The following YEATS2 variants were observed in gnomAD, a reference collection of about 807,000 sequenced individuals.
YEATS2 encodes YEATS domain-containing protein 2.
A neutral mutation model predicts 163.2 loss-of-function variants in YEATS2; 77 were observed. That is an observed-to-expected ratio of 0.47 (90% confidence interval 0.39 to 0.57). The LOEUF is 0.57. Among genes scored for constraint, YEATS2 ranks in the 20% least tolerant of loss-of-function variants. The probability of loss-of-function intolerance (pLI) is 0.00; values close to 1 mark genes in which losing one functional copy is unlikely to be tolerated. For synonymous variants in YEATS2, 631 were observed against 645.1 expected (o/e 0.98, Z 0.33); for missense variants, 1,549 against 1,729.8 (o/e 0.90, Z 1.85).
At chr3:183,716,149 C>T (rs563033466) in intron 2 of YEATS2, among the ~76,000 whole-genome samples, 6 of 152,098 alleles carry the variant, frequency 3.9e-5, no homozygotes, top group Admixed American at 6.6e-5. Flanking sequence ...TTAGTAGAGA[C>T]GGGGTTTCAC....
intron 9 of YEATS2, among the ~76,000 whole-genome samples, chr3:183,750,363 C>T (rs899925963): frequency 1.3e-5 from 2 of 152,190 alleles, no homozygotes; most frequent in African/African-American, 2.4e-5. Context: ...CAGCTTTTGG[C>T]TGTTGTTAAT....
intron 30 of YEATS2, 21 bp from the exon 31 acceptor site, chr3:183,810,454 A>T: frequency 6.3e-7 from 1 of 1,596,734 alleles, no homozygotes; most frequent in Non-Finnish European, 8.6e-7. Context: ...ACCTGGTAAC[A>T]CCCTTTGTTT....
At chr3:183,744,397 G>A (rs1413474329) in intron 8 of YEATS2, among the ~76,000 whole-genome samples, 4 of 151,994 alleles carry the variant, frequency 2.6e-5, no homozygotes, top group African/African-American at 4.8e-5. Context: ...GATTACAGGC[G>A]TGAGCCACTG....
intron 2 of YEATS2, among the ~76,000 whole-genome samples, chr3:183,716,399 G>A (rs1044549360): frequency 6.6e-5 from 10 of 152,178 alleles, no homozygotes; most frequent in Admixed American, 3.9e-4. Flanking sequence ...CATAGGATCC[G>A]TAGAGTGGAA....
intron 1 of YEATS2, among the ~76,000 whole-genome samples, chr3:183,714,397 C>A (rs1486124990): frequency 6.6e-6 from 1 of 151,342 alleles, no homozygotes; most frequent in Admixed American, 6.6e-5. Context: ...GGGTTTTCAC[C>A]GTGTTATCCA....
At chr3:183,731,635 T>C (rs1408890876) in intron 7 of YEATS2, among the ~76,000 whole-genome samples, 1 of 152,196 alleles carries the variant, frequency 6.6e-6, no homozygotes, top group East Asian at 1.9e-4. Context: ...TATCAAGATA[T>C]ATTATAACAG....
rs1310180737 is a variant in YEATS2 at position 183,773,794 on chromosome 3, AG to A, written c.2368+1del. 1.2e-6 allele frequency: 2 copies of A among 1,601,298 alleles called. No individual in the cohort carries two copies. The highest frequency in any genetic ancestry group is 3.6e-5 in the Admixed American group (2 of 56,324). On this transcript the variant is annotated splice_donor_variant, in intron 17 of 30. Coordinates refer to ENST00000305135, the MANE Select transcript of YEATS2 (RefSeq NM_018023.5). LOFTEE classifies it high-confidence loss of function. ...CATCCTGCGAGCTACGAACAATGCT[AG>A]TTAGTGAAACCATTGGGTTGAATCA... is the stretch of plus-strand genomic sequence containing the variant.
chr3:183,791,583 G>C (rs1724658055), intron 21 of YEATS2, among the ~76,000 whole-genome samples: 1 of 152,284 alleles, frequency 6.6e-6, no homozygotes, highest in African/African-American at 2.4e-5. Flanking sequence ...TAATTTTGGG[G>C]AGAGCCAAGA....
intron 2 of YEATS2, among the ~76,000 whole-genome samples, chr3:183,717,330 TTTA>T (rs1160954606): frequency 1.3e-5 from 2 of 152,232 alleles, no homozygotes; most frequent in Non-Finnish European, 2.9e-5. Context: ...GTCTTTAATA[TTTA>T]AATAGAATAG....
intron 1 of YEATS2, among the ~76,000 whole-genome samples, chr3:183,700,194 C>G (rs1420449045): frequency 2.0e-5 from 3 of 152,086 alleles, no homozygotes; most frequent in Non-Finnish European, 4.4e-5. Flanking sequence ...ATGCAGAGTT[C>G]TCCCCACATG....
intron 4 of YEATS2, 94 bp from the exon 5 acceptor site, chr3:183,721,797 T>TC: frequency 6.7e-7 from 1 of 1,487,972 alleles, no homozygotes; most frequent in Non-Finnish European, 9.1e-7. Flanking sequence ...TTAAGCATGA[T>TC]CCTGTAATAG....
At chr3:183,791,451 G>T (rs905994603) in intron 21 of YEATS2, among the ~76,000 whole-genome samples, 2 of 152,258 alleles carry the variant, frequency 1.3e-5, no homozygotes, top group East Asian at 1.9e-4. Flanking sequence ...TAAAATCTAC[G>T]TATCAGATTT....
rs1195691892 is a variant in YEATS2, at chr3:183,762,080, A to G, written c.1765-17A>G. ...TGTTTATGGATGTTTATTCAGTGTCATTATGTTTGTTGCAAGGTGATCATC... is the reference window on the plus strand; with the variant it reads ...TGTTTATGGATGTTTATTCAGTGTCGTTATGTTTGTTGCAAGGTGATCATC... On this transcript the variant is annotated splice_polypyrimidine_tract_variant and intron_variant, in intron 14 of 30. Transcript: ENST00000305135. 2.5e-6 allele frequency: 4 copies of G among 1,613,950 alleles called. No homozygotes were observed. Among genetic ancestry groups the G allele is most frequent in the South Asian group, 1.1e-5 (1 of 91,088 alleles).
At chr3:183,718,659 C>G in intron 4 of YEATS2, 67 bp downstream of exon 4, 1 of 1,199,996 alleles carries the variant, frequency 8.3e-7, no homozygotes, top group Non-Finnish European at 1.2e-6. Flanking sequence ...GAAGTTATGT[C>G]AATATGGAAT....
In YEATS2 at chr3:183,762,149, C is replaced by T. The variant is rs776785896; in HGVS notation, c.1817C>T (p.Ala606Val). ...GCCCCTCACGTGCCCGCAACAGGAGCTGCCAGCCAGTCACCACTCCCGCAG... is the reference window on the plus strand; with the variant it reads ...GCCCCTCACGTGCCCGCAACAGGAGTTGCCAGCCAGTCACCACTCCCGCAG... ...GEAPHVPATG[A>V]ASQSPLPQYV... Residue 606 changes from alanine to valine, a missense_variant, in exon 15 of 31, where the codon GCT (alanine) becomes GTT (valine). Ala to Val is a moderately conservative substitution (Grantham distance 64). Coordinates refer to ENST00000305135, the MANE Select transcript of YEATS2 (RefSeq NM_018023.5). 2 of 1,614,104 alleles carry T rather than the reference C, an allele frequency of 1.2e-6. No homozygotes were observed. Among genetic ancestry groups the T allele is most frequent in the Non-Finnish European group, 1.7e-6 (2 of 1,180,022 alleles).
intron 17 of YEATS2, among the ~76,000 whole-genome samples, chr3:183,775,309 G>A (rs1207491512): frequency 6.6e-6 from 1 of 152,122 alleles, no homozygotes; most frequent in Non-Finnish European, 1.5e-5. Flanking sequence ...TAAAATACTT[G>A]GCTAGAGGCT....
At chr3:183,713,740 C>T (rs771480302) in intron 1 of YEATS2, among the ~76,000 whole-genome samples, 15 of 151,940 alleles carry the variant, frequency 9.9e-5, no homozygotes, top group African/African-American at 1.2e-4. Flanking sequence ...CCAATAAACT[C>T]GTGCAGTGAT....
intron 14 of YEATS2, among the ~76,000 whole-genome samples, 197 bp from the exon 15 acceptor site, chr3:183,761,900 A>G (rs544514292): frequency 7.2e-5 from 11 of 152,208 alleles, no homozygotes; most frequent in Non-Finnish European, 1.6e-4. Flanking sequence ...TTCAGATCCT[A>G]CTTTTGGTCC....
intron 6 of YEATS2, 58 bp downstream of exon 6, chr3:183,724,589 A>G (rs1051512852): frequency 7.6e-7 from 1 of 1,309,690 alleles, no homozygotes; most frequent in African/African-American, 1.5e-5. Flanking sequence ...TTTTGGCATT[A>G]ATACTCTTAC....
Sources: gnomAD v4.1 joint callset for allele counts (sites outside exome capture counted in the v4.1 genomes callset) on GRCh38, gnomAD v4.1.1 for gene constraint, MANE v1.5 for transcripts, NCBI Gene and HGNC (gene_info 2026-07-23, HGNC 2026-07-21) for gene names.